ROCK1: variants seen among roughly 807,000 people sequenced by gnomAD.
ROCK1 encodes rho-associated protein kinase 1.
A neutral mutation model predicts 196.8 loss-of-function variants in ROCK1; 36 were observed. That is an observed-to-expected ratio of 0.18 (90% CI 0.14 to 0.24). The LOEUF (loss-of-function observed/expected upper bound fraction) is 0.24, where lower values mean the gene tolerates loss of function less well. Among genes scored for constraint, ROCK1 ranks in the 10% least tolerant of loss-of-function variants. The pLI is 1.00. For missense variants in ROCK1, 920 were observed against 1,562.0 expected, an observed-to-expected ratio of 0.59 and a Z score of 6.93; for synonymous variants, 443 against 515.9, an observed-to-expected ratio of 0.86 and a Z score of 1.91.
At chr18:21,091,418 C>G (rs974880541) in intron 1 of ROCK1, among the ~76,000 whole-genome samples, 2 of 151,892 alleles carry the variant, frequency 1.3e-5, no homozygotes, top group Non-Finnish European at 2.9e-5. Flanking sequence ...GCCTGGCCAA[C>G]ATGGTGAAAC....
chr18:21,014,012 G>A (rs996726458), intron 13 of ROCK1, among the ~76,000 whole-genome samples: 1 of 148,654 alleles, frequency 6.7e-6, no homozygotes, highest in African/African-American at 2.5e-5. Context: ...CTTGCAGTGA[G>A]CAGAGATCGC....
At chr18:20,973,504 T>C (rs547500962) in intron 22 of ROCK1, among the ~76,000 whole-genome samples, 1 of 151,578 alleles carries the variant, frequency 6.6e-6, no homozygotes, top group African/African-American at 2.4e-5. Flanking sequence ...TAGCGAACTC[T>C]TGACCCAAGT....
intron 10 of ROCK1, among the ~76,000 whole-genome samples, chr18:21,027,760 T>TTC (rs1181636396): frequency 8.9e-5 from 12 of 134,466 alleles, no homozygotes; most frequent in African/African-American, 3.4e-4. Flanking sequence ...ATTTTTTTTT[T>TTC]TTTTTTTTTT....
At position 20,960,252 on chromosome 18, in the gene ROCK1, A is replaced by G. The variant is rs562093342; in HGVS notation, c.3353-46T>C. On this transcript the variant is annotated intron_variant, in intron 27 of 32. Coordinates refer to ENST00000399799, the MANE Select transcript of ROCK1 (RefSeq NM_005406.3). The stretch of plus-strand genomic sequence containing the variant: ...GTATTAGTCAGTCTTAAATTGTAAC[A>G]AAAGAAAAACTATTAAAAGTTGTCT... 6 of 1,183,584 alleles carry G rather than the reference A, an allele frequency of 5.1e-6. No homozygotes were observed. In the South Asian group the frequency reaches 7.6e-5, roughly 15 times the overall value. The allele number at this position is 1,183,584 out of a possible 1,614,324, so 73.3% of individuals were successfully genotyped here.
intron 13 of ROCK1, among the ~76,000 whole-genome samples, chr18:21,010,082 CCT>C (rs888308711): frequency 6.6e-6 from 1 of 152,036 alleles, no homozygotes; most frequent in East Asian, 1.9e-4. Context: ...TAATTTGTGT[CCT>C]CTCTTTTTCC....
In ROCK1 at chr18:20,954,786, T is replaced by C; in HGVS notation, c.3850A>G (p.Lys1284Glu). The change falls in exon 31 of 33, where the codon AAA becomes GAA. Residue 1284 changes from lysine to glutamate, a missense_variant. By Grantham distance (56) the Lys-to-Glu change is moderately conservative. Transcript: ENST00000399799. ...DKKEDLICPC[K>E]VSYDVTSARD... ...AACAATAATTACCATGCCTTACCTT[T>C]ACATGGACAAATTAAGTCCTCTTTC... 1 of 1,602,636 alleles carries C rather than the reference T, an allele frequency of 6.2e-7. No homozygotes were observed. Among genetic ancestry groups the C allele is most frequent in the Non-Finnish European group, 8.5e-7 (1 of 1,175,338 alleles).
chr18:21,099,902 G>A (rs1432546918), intron 1 of ROCK1, among the ~76,000 whole-genome samples: 2 of 151,948 alleles, frequency 1.3e-5, no homozygotes, highest in African/African-American at 4.8e-5. Context: ...CGGGCATGGT[G>A]GCACATGCCT....
At chr18:21,037,365 A>C (rs1568390640) in intron 9 of ROCK1, among the ~76,000 whole-genome samples, 2 of 152,226 alleles carry the variant, frequency 1.3e-5, no homozygotes, top group Admixed American at 6.5e-5. Context: ...ACCAAAAAAA[A>C]CTATTATTTG....
intron 4 of ROCK1, among the ~76,000 whole-genome samples, chr18:21,046,917 G>A (rs1417549683): frequency 1.3e-5 from 2 of 151,976 alleles, no homozygotes; most frequent in Admixed American, 1.3e-4. Context: ...TGATCTTCCT[G>A]TCTCAGCCTC....
chr18:21,042,332 T>C, intron 7 of ROCK1, 97 bp from the exon 8 acceptor site: 1 of 1,166,714 alleles, frequency 8.6e-7, no homozygotes, highest in Non-Finnish European at 1.2e-6. Flanking sequence ...AAAAAGATTA[T>C]TAGGTATGTA....
chr18:21,020,100 G>GT (rs751477245), intron 12 of ROCK1, 51 bp downstream of exon 12: 2 of 1,072,502 alleles, frequency 1.9e-6, no homozygotes, highest in South Asian at 2.7e-5. Context: ...TTTCAAGTAA[G>GT]TATTTGGTAT....
At chr18:21,085,362 A>AATTTC (rs1305647475) in intron 1 of ROCK1, among the ~76,000 whole-genome samples, 1 of 151,384 alleles carries the variant, frequency 6.6e-6, no homozygotes, top group African/African-American at 2.4e-5. Context: ...AAAAAAGGCA[A>AATTTC]ATTTCATGTT....
At chr18:20,977,688 T>C (rs988726732) in intron 22 of ROCK1, among the ~76,000 whole-genome samples, 18 of 152,268 alleles carry the variant, frequency 1.2e-4, no homozygotes, top group African/African-American at 3.6e-4. Context: ...GGAAAATATA[T>C]CAACTCTGAA....
Position 20,957,277 on chromosome 18 carries a change from A to C in ROCK1, c.3513-2032T>G, listed in dbSNP as rs552565850. 3.9e-5 allele frequency among the ~76,000 whole-genome samples: 6 copies of C among 152,388 alleles called. No individual in the cohort carries two copies. In the East Asian group the frequency reaches 7.7e-4, roughly 20 times the overall value. ...ATGTCAATCAACACAAAAATGGATAAACAAATTCATGCAATGTTATACTAT... is the reference window on the plus strand; with the variant it reads ...ATGTCAATCAACACAAAAATGGATACACAAATTCATGCAATGTTATACTAT... On this transcript the variant is annotated intron_variant, in intron 29 of 32. Transcript: ENST00000399799.
chr18:21,062,706 C>T (rs749634772), intron 2 of ROCK1, among the ~76,000 whole-genome samples: 2 of 152,102 alleles, frequency 1.3e-5, no homozygotes, highest in Non-Finnish European at 2.9e-5. Flanking sequence ...CAGACACTAC[C>T]TTAAACCAAA....
chr18:21,011,704 C>T (rs1005705573), intron 13 of ROCK1, among the ~76,000 whole-genome samples: 8 of 152,294 alleles, frequency 5.3e-5, no homozygotes, highest in African/African-American at 1.7e-4. Flanking sequence ...AATCCGCTGG[C>T]CTTGGCCTCC....
intron 3 of ROCK1, 59 bp downstream of exon 3, chr18:21,049,721 C>G (rs2036189063): frequency 3.9e-6 from 4 of 1,030,364 alleles, no homozygotes; most frequent in Non-Finnish European, 5.9e-6. Context: ...ATGTTAAACA[C>G]ACAAGTGGAT....
At chr18:20,959,132 A>ATATATATTATATAAAATATATATAT (rs2035296583) in intron 29 of ROCK1, among the ~76,000 whole-genome samples, 3 of 52,174 alleles carry the variant, frequency 5.7e-5, no homozygotes, top group Admixed American at 4.1e-4. Flanking sequence ...TATATATATT[A>ATATATATTATATAAAATATATATAT]TATATATTAT....
chr18:21,064,331 T>C (rs2036316173), intron 2 of ROCK1, among the ~76,000 whole-genome samples: 1 of 152,148 alleles, frequency 6.6e-6, no homozygotes, highest in South Asian at 2.1e-4. Context: ...AGCCCATGTT[T>C]TAAGACTCAA....
Sources: allele counts gnomAD v4.1 joint callset (sites outside exome capture counted in the v4.1 genomes callset), GRCh38; gene constraint gnomAD v4.1.1; transcripts MANE v1.5; gene names NCBI Gene and HGNC (gene_info 2026-07-23, HGNC 2026-07-21).